KCNQ3: variants seen among roughly 807,000 people sequenced by gnomAD.
KCNQ3 encodes potassium voltage-gated channel subfamily Q member 3.
A neutral mutation model predicts 92.5 loss-of-function variants in KCNQ3; 30 were observed. That is an observed-to-expected ratio of 0.32 (90% CI 0.24 to 0.44). The LOEUF (loss-of-function observed/expected upper bound fraction) is 0.44. Ranked by LOEUF, KCNQ3 falls within the 20% of genes least tolerant of loss-of-function variation. The pLI is 1.00. For missense variants in KCNQ3, 913 were observed against 1,140.3 expected (o/e 0.80, Z 2.87); for synonymous variants, 450 against 468.8 (o/e 0.96, Z 0.52).
intron 8 of KCNQ3, among the ~76,000 whole-genome samples, chr8:132,164,953 T>A (rs1826099571): frequency 6.6e-6 from 1 of 152,154 alleles, no homozygotes; most frequent in South Asian, 2.1e-4. Flanking sequence ...TTTGTGCCAA[T>A]GGATGAAGGG....
intron 1 of KCNQ3, among the ~76,000 whole-genome samples, chr8:132,226,522 TATA>T (rs555232215): frequency 7.2e-4 from 109 of 152,244 alleles, no homozygotes; most frequent in Non-Finnish European, 1.3e-3. Context: ...AGGTCCAAAT[TATA>T]ATAATTTCCA....
chr8:132,232,571 G>T (rs1814678194), intron 1 of KCNQ3, among the ~76,000 whole-genome samples: 2 of 151,980 alleles, frequency 1.3e-5, no homozygotes, highest in Admixed American at 1.3e-4. Context: ...TTTTTTATTT[G>T]AACAACTAAC....
Position 132,137,996 on chromosome 8 carries a change from T to C in KCNQ3, c.1589A>G (p.Tyr530Cys). 6.2e-7 allele frequency: 1 copy of C among 1,611,920 alleles called. No individual in the cohort carries two copies. Among genetic ancestry groups the C allele is most frequent in the South Asian group, 1.1e-5 (1 of 91,084 alleles). Reference sequence around the variant, plus strand: ...CAAAGTCTCCTTGAATTTTTTTTTATAGAGACGGAATTGTAGAATTCTGCA... The same window carrying C: ...CAAAGTCTCCTTGAATTTTTTTTTACAGAGACGGAATTGTAGAATTCTGCA... ...RAVRILQFRL[Y>C]KKKFKETLRP... Residue 530 changes from tyrosine (Y) to cysteine (C), a missense_variant, in exon 12 of 15, where the codon TAT becomes TGT. Physicochemically the swap from Tyr to Cys is radical, Grantham distance 194 (BLOSUM62 -2). Around this residue, in one of 6 missense-constraint regions of KCNQ3, gnomAD observed 182 missense variants for 234.5 expected, o/e 0.78. Transcript: ENST00000388996.
At chr8:132,146,321 T>C (rs1025653681) in intron 9 of KCNQ3, among the ~76,000 whole-genome samples, 3 of 152,230 alleles carry the variant, frequency 2.0e-5, no homozygotes, top group Non-Finnish European at 2.9e-5. Flanking sequence ...AAAGAAATCC[T>C]GATACATGTT....
intron 14 of KCNQ3, among the ~76,000 whole-genome samples, chr8:132,130,494 A>G (rs975790114): frequency 6.6e-6 from 1 of 152,230 alleles, no homozygotes; most frequent in African/African-American, 2.4e-5. Flanking sequence ...AGCCTTGCAC[A>G]CCAGGTATTA....
At chr8:132,304,330 T>C (rs1187676243) in intron 1 of KCNQ3, among the ~76,000 whole-genome samples, 1 of 152,204 alleles carries the variant, frequency 6.6e-6, no homozygotes, top group Non-Finnish European at 1.5e-5. Flanking sequence ...AAATAAAATG[T>C]GGTATAGCCT....
intron 1 of KCNQ3, among the ~76,000 whole-genome samples, chr8:132,204,509 A>C (rs1263966995): frequency 6.6e-6 from 1 of 151,728 alleles, no homozygotes; most frequent in Non-Finnish European, 1.5e-5. Flanking sequence ...TCTCTGCCTA[A>C]CTCCTGGCCT....
intron 5 of KCNQ3, among the ~76,000 whole-genome samples, 200 bp from the exon 6 acceptor site, chr8:132,174,549 C>T (rs995783933): frequency 6.6e-6 from 1 of 152,198 alleles, no homozygotes; most frequent in Non-Finnish European, 1.5e-5. Context: ...TAAGGGTTTC[C>T]TACCTTAGTC....
chr8:132,470,042 T>C (rs945641586), intron 1 of KCNQ3, among the ~76,000 whole-genome samples: 4 of 152,130 alleles, frequency 2.6e-5, no homozygotes, highest in African/African-American at 9.6e-5. Flanking sequence ...CATTCTATTA[T>C]TGCATTTGCT....
At chr8:132,282,885 G>A (rs1212097562) in intron 1 of KCNQ3, among the ~76,000 whole-genome samples, 1 of 152,172 alleles carries the variant, frequency 6.6e-6, no homozygotes, top group Non-Finnish European at 1.5e-5. Context: ...GAGGCCACAG[G>A]GTCCCAACAA....
chr8:132,195,764 G>A (rs10090943), intron 1 of KCNQ3, among the ~76,000 whole-genome samples: 1,789 of 152,246 alleles, frequency 0.012, 16 homozygotes, highest in South Asian at 0.041. Context: ...TGCTGTCTAC[G>A]AGAGACTTAC....
Position 132,140,543 on chromosome 8 carries a change from T to C in KCNQ3, c.1466-365A>G, listed in dbSNP as rs1028052819. 1.0e-4 allele frequency: 26 copies of C among 260,962 alleles called. 1 individual carries two copies. The highest frequency in any genetic ancestry group is 2.5e-4 in the Admixed American group (5 of 19,944). The allele number at this position is 260,962 out of a possible 1,614,324, so 16.2% of individuals were successfully genotyped here. A position where few individuals can be genotyped will look rare whatever the true frequency, so the allele number is the denominator to read the frequency against. ...ACTGTGCAGGCCTCAGCTGGGACTT[T>C]TGCTCTGTCAGTCTCTATCCTGGTG... On this transcript the variant is annotated intron_variant, in intron 10 of 14. Coordinates refer to ENST00000388996, the MANE Select transcript of KCNQ3 (RefSeq NM_004519.4).
intron 1 of KCNQ3, among the ~76,000 whole-genome samples, chr8:132,366,969 A>C (rs1055555562): frequency 6.6e-6 from 1 of 152,224 alleles, no homozygotes; most frequent in Admixed American, 6.5e-5. Context: ...TCATAAAAAA[A>C]ACTTTGGAAG....
chr8:132,332,018 G>A (rs530000485), intron 1 of KCNQ3, among the ~76,000 whole-genome samples: 1 of 152,310 alleles, frequency 6.6e-6, no homozygotes, highest in Admixed American at 6.5e-5. Context: ...CTTGAATGTG[G>A]TCTGGATTTA....
intron 1 of KCNQ3, among the ~76,000 whole-genome samples, chr8:132,360,533 G>C (rs1188245684): frequency 1.3e-5 from 2 of 152,194 alleles, no homozygotes; most frequent in African/African-American, 4.8e-5. Flanking sequence ...GTGAAGGAAT[G>C]CACTTTCAAC....
chr8:132,178,939 T>C (rs1017007701), intron 4 of KCNQ3, among the ~76,000 whole-genome samples: 1 of 148,356 alleles, frequency 6.7e-6, no homozygotes, highest in African/African-American at 2.5e-5. Context: ...GGTCATAGGG[T>C]TCCTATTAAA....
rs180682650 is a variant in KCNQ3 at position 132,457,433 on chromosome 8, T to C, written c.386+22714A>G. Among the ~76,000 whole-genome samples, 418 of 152,288 alleles carry C rather than the reference T, an allele frequency of 2.7e-3. 1 individual carries two copies. Among genetic ancestry groups the C allele is most frequent in the African/African-American group, 9.7e-3 (404 of 41,566 alleles). The stretch of plus-strand genomic sequence containing the variant: ...TTGTTTCATCCTCTCACCACTCAGC[T>C]ACCCCAACCCTCCCACTTCCATATA... On this transcript the variant is annotated intron_variant, in intron 1 of 14. Transcript: ENST00000388996.
intron 1 of KCNQ3, among the ~76,000 whole-genome samples, chr8:132,338,520 A>G (rs1407293057): frequency 6.6e-6 from 1 of 152,204 alleles, no homozygotes; most frequent in Non-Finnish European, 1.5e-5. Flanking sequence ...AGTGTCTGAC[A>G]CATATGTGCT....
chr8:132,125,921 T>C lies in KCNQ3; in HGVS notation c.*3341A>G, dbSNP rs1824649788. ...AATTTTTTTCTTAAGCTTTTGATAT[T>C]TGCTTTTGTGCTGACATTTGATAGT... On this transcript the variant is annotated 3_prime_UTR_variant, in exon 15 of 15. Transcript: ENST00000388996. The C allele has an allele frequency of 6.6e-6, 1 of 152,238 alleles. No individual in the cohort carries two copies. The highest frequency in any genetic ancestry group is 2.1e-4 in the South Asian group (1 of 4,830). The allele number at this position is 152,238 out of a possible 1,614,324, so 9.4% of individuals were successfully genotyped here. A position where few individuals can be genotyped will look rare whatever the true frequency, so the allele number is the denominator to read the frequency against.
Sources: allele counts gnomAD v4.1 joint callset (sites outside exome capture counted in the v4.1 genomes callset), GRCh38; gene constraint gnomAD v4.1.1; regional missense constraint gnomAD v4.1.1; transcripts MANE v1.5; gene names NCBI Gene and HGNC (gene_info 2026-07-23, HGNC 2026-07-21).